ZNF385D: variants seen among roughly 807,000 people sequenced by gnomAD.
The protein encoded by ZNF385D is zinc finger protein 659.
A neutral mutation model predicts 35.8 loss-of-function variants in ZNF385D; 15 were observed. The observed-to-expected ratio is 0.42, with a 90% CI of 0.28 to 0.64. ZNF385D has a LOEUF of 0.64. Ranked by LOEUF, ZNF385D falls within the 30% of genes least tolerant of loss-of-function variation. The pLI is 0.23. For synonymous variants in ZNF385D, 212 were observed against 186.8 expected (o/e 1.13, Z -1.10); for missense variants, 474 against 494.6 (o/e 0.96, Z 0.39).
intron 2 of ZNF385D, among the ~76,000 whole-genome samples, chr3:21,651,219 T>A (rs1459179696): frequency 1.3e-4 from 16 of 122,232 alleles, no homozygotes. Context: ...ACCTGGGAGG[T>A]GGAGCTTGCA....
intron 3 of ZNF385D, among the ~76,000 whole-genome samples, chr3:21,829,166 C>T (rs1419195101): frequency 2.0e-5 from 3 of 152,044 alleles, no homozygotes; most frequent in Non-Finnish European, 2.9e-5. Context: ...CCAGGGATGA[C>T]AATGAATATG....
chr3:22,281,864 G>A (rs995663710), intron 2 of ZNF385D, among the ~76,000 whole-genome samples: 1 of 151,522 alleles, frequency 6.6e-6, no homozygotes, highest in Non-Finnish European at 1.5e-5. Context: ...AATCTGTCTG[G>A]TACTGAACAT....
At chr3:21,774,236 T>A (rs1049583017) in intron 3 of ZNF385D, among the ~76,000 whole-genome samples, 2 of 151,184 alleles carry the variant, frequency 1.3e-5, no homozygotes, top group African/African-American at 4.9e-5. Context: ...CATGGACACA[T>A]AGTGGGGAAA....
chr3:21,648,254 G>C (rs1272683815), intron 2 of ZNF385D, among the ~76,000 whole-genome samples: 2 of 152,102 alleles, frequency 1.3e-5, no homozygotes. Context: ...TAAGCACCTT[G>C]CATTTCCCCT....
chr3:21,742,573 C>A (rs6767189), intron 1 of ZNF385D, among the ~76,000 whole-genome samples: 72,348 of 151,726 alleles, frequency 0.48, 17,512 homozygotes, highest in Admixed American at 0.6. Context: ...TACCAATGAG[C>A]GGCAGAAGGC....
chr3:21,914,345 T>C (rs531056446), intron 3 of ZNF385D, among the ~76,000 whole-genome samples: 1 of 151,754 alleles, frequency 6.6e-6, no homozygotes, highest in East Asian at 1.9e-4. Context: ...AACTATTCAG[T>C]CTCTAACCCA....
At chr3:21,780,637 T>C (rs2071453881) in intron 3 of ZNF385D, among the ~76,000 whole-genome samples, 1 of 152,230 alleles carries the variant, frequency 6.6e-6, no homozygotes, top group East Asian at 1.9e-4. Context: ...GAAGTGCTAC[T>C]AAAGCATGAA....
intron 2 of ZNF385D, among the ~76,000 whole-genome samples, chr3:22,196,489 T>A (rs1230056622): frequency 6.6e-6 from 1 of 152,118 alleles, no homozygotes; most frequent in Non-Finnish European, 1.5e-5. Context: ...TTTCTTTCTC[T>A]TGCATTTTGA....
intron 3 of ZNF385D, among the ~76,000 whole-genome samples, chr3:21,905,971 G>A (rs259505): frequency 0.29 from 44,065 of 151,940 alleles, 6,926 homozygotes; most frequent in Admixed American, 0.39. Context: ...GGATGCTTAG[G>A]AGAAAACCTA....
intron 3 of ZNF385D, among the ~76,000 whole-genome samples, chr3:21,805,352 TA>T (rs1341891579): frequency 6.6e-6 from 1 of 152,178 alleles, no homozygotes; most frequent in Non-Finnish European, 1.5e-5. Flanking sequence ...TGCTTAGGTA[TA>T]GAAACAAGTC....
chr3:22,139,729 A>G (rs1439077383), intron 3 of ZNF385D, among the ~76,000 whole-genome samples: 2 of 152,176 alleles, frequency 1.3e-5, no homozygotes, highest in African/African-American at 2.4e-5. Flanking sequence ...ACAAACCTGC[A>G]CGTTATGCAC....
chr3:22,219,905 C>G (rs1698149990), intron 2 of ZNF385D, among the ~76,000 whole-genome samples: 1 of 152,028 alleles, frequency 6.6e-6, no homozygotes, highest in Admixed American at 6.6e-5. Flanking sequence ...TATTCTATGC[C>G]TCTTTTCTCA....
chr3:22,161,997 G>C (rs930806127), intron 3 of ZNF385D, among the ~76,000 whole-genome samples: 8 of 152,282 alleles, frequency 5.3e-5, no homozygotes, highest in African/African-American at 1.9e-4. Flanking sequence ...TTTCAAAACA[G>C]AGGTAATAAG....
chr3:21,750,962 C>G lies in ZNF385D; in HGVS notation c.-46G>C, dbSNP rs757994628. 5.6e-6 allele frequency: 9 copies of G among 1,613,850 alleles called. No individual in the cohort carries two copies. The East Asian group carries it at 1.8e-4, about 32-fold the overall frequency. ...CACCGCGGTGTCTTCAGCATCAGCT[C>G]TCACCCAAGGCTGGCACGTAGAGCA... On this transcript the variant is annotated 5_prime_UTR_variant, in exon 1 of 8. Coordinates refer to ENST00000281523, the MANE Select transcript of ZNF385D (RefSeq NM_024697.3).
intron 2 of ZNF385D, among the ~76,000 whole-genome samples, chr3:22,344,084 T>A (rs533267206): frequency 3.3e-5 from 5 of 152,192 alleles, no homozygotes; most frequent in Non-Finnish European, 5.9e-5. Context: ...GCATATATTG[T>A]ATATCAGTCC....
At chr3:22,033,642 C>T (rs889175685) in intron 3 of ZNF385D, among the ~76,000 whole-genome samples, 1 of 151,780 alleles carries the variant, frequency 6.6e-6, no homozygotes, top group Non-Finnish European at 1.5e-5. Context: ...TAAAATCACT[C>T]GATGAACTAT....
intron 2 of ZNF385D, among the ~76,000 whole-genome samples, chr3:22,250,229 A>T (rs989967249): frequency 6.6e-6 from 1 of 152,144 alleles, no homozygotes; most frequent in Non-Finnish European, 1.5e-5. Flanking sequence ...CTTTATAGAT[A>T]TATTTCCAGT....
At chr3:21,931,616 G>A (rs890268538) in intron 3 of ZNF385D, among the ~76,000 whole-genome samples, 23 of 152,126 alleles carry the variant, frequency 1.5e-4, no homozygotes, top group Admixed American at 1.4e-3. Flanking sequence ...ATATGGAAGC[G>A]TCCCCAACAT....
intron 1 of ZNF385D, among the ~76,000 whole-genome samples, chr3:21,732,075 C>T (rs540808173): frequency 4.1e-5 from 2 of 48,526 alleles, no homozygotes; most frequent in East Asian, 6.2e-4. Context: ...TTTTTGAGAA[C>T]GGAGTTTTGC....
Sources: gnomAD v4.1 joint callset for allele counts (sites outside exome capture counted in the v4.1 genomes callset) on GRCh38, gnomAD v4.1.1 for gene constraint, MANE v1.5 for transcripts, NCBI Gene and HGNC (gene_info 2026-07-23, HGNC 2026-07-21) for gene names.